C3orf49: variants seen among roughly 807,000 people sequenced by gnomAD.
C3orf49 encodes the protein putative uncharacterized protein C3orf49.
In C3orf49, 27 loss-of-function variants were observed where a neutral mutation model predicts 13.3. The observed-to-expected ratio is 2.02, with a 90% CI of 1.49 to 2.79. The LOEUF is 2.79. C3orf49 is among the 30% of genes most tolerant of loss of function. The pLI is 0.00. For missense variants in C3orf49, 242 were observed against 134.2 expected (o/e 1.80, Z -3.97); for synonymous variants, 87 against 47.6 (o/e 1.83, Z -3.40).
chr3:63,801,388 A>C, the C3orf49 span, among the ~76,000 whole-genome samples: 1 of 152,186 alleles, frequency 6.6e-6, no homozygotes, highest in Non-Finnish European at 1.5e-5. Context: ...CAAAAATAAA[A>C]AAAAACAGAG....
the C3orf49 span, among the ~76,000 whole-genome samples, chr3:63,810,620 G>A: frequency 8.5e-4 from 130 of 152,336 alleles, no homozygotes; most frequent in Non-Finnish European, 1.6e-3. Context: ...GTTGGGCCAT[G>A]TCAATGACGG....
intron 3 of C3orf49, 25 bp from the exon 4 acceptor site, chr3:63,831,085 G>A (rs1212160498): frequency 1.4e-6 from 1 of 694,174 alleles, no homozygotes; most frequent in African/African-American, 1.8e-5. Flanking sequence ...TTCCTAATCT[G>A]ATGTGTTTTG....
chr3:63,848,031 A>C (rs1701937527), intron 6 of C3orf49, among the ~76,000 whole-genome samples: 1 of 152,174 alleles, frequency 6.6e-6, no homozygotes, highest in Admixed American at 6.5e-5. Context: ...AGACTGACCA[A>C]ACAGACTCTT....
intron 2 of C3orf49, chr3:63,827,067 A>C (rs974914112): frequency 1.6e-4 from 25 of 152,222 alleles, no homozygotes; most frequent in Admixed American, 1.6e-3. Flanking sequence ...TCTTAAATTT[A>C]TGGTAGTGTT....
At chr3:63,796,439 G>A in the C3orf49 span, among the ~76,000 whole-genome samples, 1 of 152,116 alleles carries the variant, frequency 6.6e-6, no homozygotes, top group African/African-American at 2.4e-5. Flanking sequence ...CTGATTGCTG[G>A]CTACATCTCC....
At chr3:63,813,711 C>G in the C3orf49 span, among the ~76,000 whole-genome samples, 1 of 152,104 alleles carries the variant, frequency 6.6e-6, no homozygotes, top group Non-Finnish European at 1.5e-5. Flanking sequence ...ATACACTTCC[C>G]GAGACACAGT....
At chr3:63,823,817 T>TG in intron 2 of C3orf49, among the ~76,000 whole-genome samples, 1 of 143,766 alleles carries the variant, frequency 7.0e-6, no homozygotes, top group African/African-American at 2.6e-5. Flanking sequence ...TGTGTGTGTG[T>TG]TTAGATGGAA....
chr3:63,793,664 A>C, the C3orf49 span, among the ~76,000 whole-genome samples: 1 of 152,200 alleles, frequency 6.6e-6, no homozygotes, highest in Non-Finnish European at 1.5e-5. Context: ...ATTGCAAACT[A>C]TTCCTCTATA....
chr3:63,834,813 G>A (rs1287381362), intron 5 of C3orf49, among the ~76,000 whole-genome samples: 1 of 152,110 alleles, frequency 6.6e-6, no homozygotes, highest in Non-Finnish European at 1.5e-5. Flanking sequence ...GTATGCAAAT[G>A]TTCGTATGTA....
At chr3:63,788,781 A>G in the C3orf49 span, among the ~76,000 whole-genome samples, 1 of 151,932 alleles carries the variant, frequency 6.6e-6, no homozygotes, top group Non-Finnish European at 1.5e-5. Flanking sequence ...AGACTTGCCC[A>G]GGGTCACAAA....
chr3:63,792,434 T>C, the C3orf49 span, among the ~76,000 whole-genome samples: 1 of 152,230 alleles, frequency 6.6e-6, no homozygotes, highest in African/African-American at 2.4e-5. Context: ...GGCCACTCTA[T>C]GCCTAAACTA....
At chr3:63,823,914 C>A (rs1575796290) in intron 2 of C3orf49, among the ~76,000 whole-genome samples, 1 of 152,006 alleles carries the variant, frequency 6.6e-6, no homozygotes, top group East Asian at 1.9e-4. Context: ...AATTTTCCTC[C>A]CTCAGCCACC....
the C3orf49 span, among the ~76,000 whole-genome samples, chr3:63,796,949 TTGTC>T: frequency 6.6e-6 from 1 of 152,144 alleles, no homozygotes; most frequent in African/African-American, 2.4e-5. Context: ...CAGTTTTTGT[TTGTC>T]TGAGAAAGTC....
At chr3:63,820,942 G>T (rs1701385671) in intron 1 of C3orf49, among the ~76,000 whole-genome samples, 1 of 152,060 alleles carries the variant, frequency 6.6e-6, no homozygotes, top group Non-Finnish European at 1.5e-5. Flanking sequence ...TCTAGTGTGG[G>T]CTCCCTGCTT....
chr3:63,838,320 C>T, intron 5 of C3orf49: 2 of 1,271,856 alleles, frequency 1.6e-6, no homozygotes, highest in African/African-American at 1.5e-5. Context: ...GGTATTGTTT[C>T]CTTTAGACCA....
At chr3:63,836,944 G>A (rs1701646960) in intron 5 of C3orf49, among the ~76,000 whole-genome samples, 1 of 151,392 alleles carries the variant, frequency 6.6e-6, no homozygotes, top group Non-Finnish European at 1.5e-5. Flanking sequence ...ATTAACCAAC[G>A]AAAACACTGC....
the C3orf49 span, chr3:63,782,399 G>A: frequency 3.2e-4 from 49 of 152,110 alleles, no homozygotes; most frequent in African/African-American, 1.2e-3. Flanking sequence ...AATTTTCAAG[G>A]TCAAACTAAA....
At chr3:63,817,217 A>G (rs199807484), upstream of C3orf49, among the ~76,000 whole-genome samples, 22 of 152,248 alleles carry the variant, frequency 1.4e-4, no homozygotes, top group East Asian at 4.1e-3. Flanking sequence ...ACCTCATTGG[A>G]CAGGCTTTCC....
intron 5 of C3orf49, among the ~76,000 whole-genome samples, chr3:63,839,418 T>C (rs1201789466): frequency 6.6e-6 from 1 of 152,202 alleles, no homozygotes; most frequent in African/African-American, 2.4e-5. Flanking sequence ...ACCAAACTAA[T>C]GAGTCTGAAT....
Sources: gnomAD v4.1 joint callset for allele counts (sites outside exome capture counted in the v4.1 genomes callset) on GRCh38, gnomAD v4.1.1 for gene constraint, MANE v1.5 for transcripts, NCBI Gene and HGNC (gene_info 2026-07-23, HGNC 2026-07-21) for gene names.